RTF2: variants seen among roughly 807,000 people sequenced by gnomAD.
The protein encoded by RTF2 is UPF0549 protein C20orf43.
A neutral mutation model predicts 38.0 loss-of-function variants in RTF2; 18 were observed. That is an observed-to-expected ratio of 0.47 (90% CI 0.33 to 0.70). The LOEUF is 0.70. Ranked by LOEUF, RTF2 falls within the 30% of genes least tolerant of loss-of-function variation. The pLI is 0.02. For synonymous variants in RTF2, 126 were observed against 137.1 expected, an observed-to-expected ratio of 0.92 and a Z score of 0.57; for missense variants, 311 against 379.6, an observed-to-expected ratio of 0.82 and a Z score of 1.50.
chr20:56,486,760 A>G (rs1982816168), intron 5 of RTF2, among the ~76,000 whole-genome samples: 1 of 152,200 alleles, frequency 6.6e-6, no homozygotes. Flanking sequence ...TGGCAGGGGA[A>G]TGGCTGAAGT....
intron 4 of RTF2, among the ~76,000 whole-genome samples, chr20:56,480,188 C>G (rs1982461997): frequency 6.6e-6 from 1 of 152,212 alleles, no homozygotes; most frequent in Non-Finnish European, 1.5e-5. Context: ...ATGATTTTAG[C>G]TAGATTTTCT....
chr20:56,489,467 G>A (rs1720382226), intron 5 of RTF2, among the ~76,000 whole-genome samples: 2 of 152,308 alleles, frequency 1.3e-5, no homozygotes, highest in African/African-American at 2.4e-5. Flanking sequence ...GTAAGGTCAT[G>A]TAGCTACCTG....
intron 6 of RTF2, chr20:56,514,016 C>T (rs1302399966): frequency 6.5e-6 from 1 of 152,928 alleles, no homozygotes; most frequent in African/African-American, 2.4e-5. Flanking sequence ...TGCAACTCCT[C>T]AGGGTCACAC....
chr20:56,509,407 T>C (rs1252309902), intron 5 of RTF2, among the ~76,000 whole-genome samples: 2 of 150,364 alleles, frequency 1.3e-5, no homozygotes, highest in Non-Finnish European at 3.0e-5. Flanking sequence ...AGGTCGGGAG[T>C]TCAAGACCAG....
Position 56,483,342 on chromosome 20 carries a change from T to TC in RTF2, c.399-769_399-768insC, listed in dbSNP as rs1491334447. ...TTTCCAATTGGATACTTTCAATCTC[T>TC]TTTTTTTTTTTTTAAAGCGACAAGC... On this transcript the variant is annotated intron_variant, in intron 4 of 8. Transcript: ENST00000357348. Among the ~76,000 whole-genome samples, 28 of 59,826 alleles carry TC rather than the reference T, an allele frequency of 4.7e-4. No homozygotes were observed. In the East Asian group the frequency reaches 0.01, roughly 22 times the overall value. The allele number at this position is 59,826 out of a possible 152,430, so 39.2% of individuals were successfully genotyped here.
chr20:56,490,689 T>G (rs999632590), intron 5 of RTF2, among the ~76,000 whole-genome samples: 55 of 152,300 alleles, frequency 3.6e-4, no homozygotes, highest in African/African-American at 1.3e-3. Context: ...TGGTGGTGCA[T>G]GCCTGTAATT....
At chr20:56,499,194 C>CTTTTT (rs774875921) in intron 5 of RTF2, among the ~76,000 whole-genome samples, 11 of 133,046 alleles carry the variant, frequency 8.3e-5, no homozygotes, top group South Asian at 2.4e-4. Context: ...TAATACTTAT[C>CTTTTT]TTTTTTTTTT....
intron 4 of RTF2, among the ~76,000 whole-genome samples, chr20:56,483,436 C>T (rs1982625418): frequency 6.6e-6 from 1 of 152,050 alleles, no homozygotes; most frequent in African/African-American, 2.4e-5. Flanking sequence ...CATCCTCCCA[C>T]CTCAGCCTCC....
chr20:56,499,080 C>CCG (rs1568703608), intron 5 of RTF2, among the ~76,000 whole-genome samples: 1 of 152,134 alleles, frequency 6.6e-6, no homozygotes, highest in African/African-American at 2.4e-5. Context: ...GCAGCCACTG[C>CCG]CGAGGTATGT....
chr20:56,491,468 A>G (rs891386401), intron 5 of RTF2: 20 of 821,992 alleles, frequency 2.4e-5, no homozygotes, highest in Non-Finnish European at 4.0e-5. Context: ...AGTTTGTATC[A>G]AGGAATCATT....
chr20:56,489,221 A>ATTTTT (rs11481363), intron 5 of RTF2, among the ~76,000 whole-genome samples: 1 of 136,748 alleles, frequency 7.3e-6, no homozygotes. Context: ...ATGCCTGGTT[A>ATTTTT]TTTTTTTTTT....
intron 3 of RTF2, among the ~76,000 whole-genome samples, 173 bp from the exon 4 acceptor site, chr20:56,476,812 T>C (rs1871667434): frequency 6.6e-6 from 1 of 152,192 alleles, no homozygotes; most frequent in Admixed American, 6.5e-5. Context: ...TTTTCTGTTT[T>C]CTATATATGG....
chr20:56,497,733 C>G, intron 5 of RTF2: 4 of 576,548 alleles, frequency 6.9e-6, no homozygotes, highest in Non-Finnish European at 1.0e-5. Context: ...TTGAAATACA[C>G]TAAACTACAT....
chr20:56,480,165 C>T (rs991184776), intron 4 of RTF2, among the ~76,000 whole-genome samples: 4 of 152,152 alleles, frequency 2.6e-5, no homozygotes, highest in African/African-American at 9.7e-5. Context: ...GTCTAGTGTA[C>T]CCATCTTTAT....
chr20:56,513,232 T>C (rs1390273804), intron 5 of RTF2, 83 bp from the exon 6 acceptor site: 4 of 1,525,454 alleles, frequency 2.6e-6, no homozygotes, highest in Non-Finnish European at 2.7e-6. Context: ...GGGCCACTGC[T>C]TGGGGCTGAG....
intron 4 of RTF2, among the ~76,000 whole-genome samples, chr20:56,479,221 GTTTTTTGT>G (rs898158469): frequency 6.6e-5 from 10 of 151,802 alleles, no homozygotes; most frequent in African/African-American, 2.2e-4. Context: ...TTTTTTGTTT[GTTTTTTGT>G]TTTTTTGTTT....
intron 5 of RTF2, among the ~76,000 whole-genome samples, chr20:56,485,770 G>T (rs951108430): frequency 6.6e-6 from 1 of 152,196 alleles, no homozygotes; most frequent in African/African-American, 2.4e-5. Flanking sequence ...TAAGATGATG[G>T]CATAGATTCC....
Position 56,476,913 on chromosome 20 carries a change from G to T in RTF2, c.259-72G>T. Reference sequence around the variant, plus strand: ...GGAAGGGCTGGAATAACAATTTGTTGACTTACGTGGTTAAGGCAAAGGATG... The same window carrying T: ...GGAAGGGCTGGAATAACAATTTGTTTACTTACGTGGTTAAGGCAAAGGATG... On this transcript the variant is annotated intron_variant, in intron 3 of 8. Coordinates refer to ENST00000357348, the MANE Select transcript of RTF2 (RefSeq NM_016407.5). 2.0e-6 allele frequency: 3 copies of T among 1,480,220 alleles called. No homozygotes were observed. In the South Asian group the frequency reaches 3.6e-5, roughly 18 times the overall value. The allele number at this position is 1,480,220 out of a possible 1,614,324, so 91.7% of individuals were successfully genotyped here.
At chr20:56,483,782 T>C (rs760532825) in intron 4 of RTF2, among the ~76,000 whole-genome samples, 1 of 152,246 alleles carries the variant, frequency 6.6e-6, no homozygotes, top group Non-Finnish European at 1.5e-5. Context: ...TTTTCTATTA[T>C]AGTGTTGACT....
Sources: gnomAD v4.1 joint callset for allele counts (sites outside exome capture counted in the v4.1 genomes callset) on GRCh38, gnomAD v4.1.1 for gene constraint, MANE v1.5 for transcripts, NCBI Gene and HGNC (gene_info 2026-07-23, HGNC 2026-07-21) for gene names.